GPR39: variants seen among roughly 807,000 people sequenced by gnomAD.
GPR39 encodes G protein-coupled receptor 39.
In GPR39, 23 loss-of-function variants were observed where a neutral mutation model predicts 18.4. The ratio of observed to expected loss-of-function variants is 1.25; its 90% CI spans 0.90 to 1.77. GPR39 has a LOEUF of 1.77. GPR39 is among the 40% of genes most tolerant of loss of function. GPR39 has a pLI of 0.00. For synonymous variants in GPR39, 280 were observed against 257.9 expected (o/e 1.09, Z -0.82); for missense variants, 647 against 602.4 (o/e 1.07, Z -0.78).
At chr2:132,638,606 C>T (rs17324515) in intron 1 of GPR39, among the ~76,000 whole-genome samples, 49,207 of 152,122 alleles carry the variant, frequency 0.32, 9,116 homozygotes, top group Admixed American at 0.42. Flanking sequence ...ATTTGGACGC[C>T]TCGGGTCAGA....
intron 1 of GPR39, among the ~76,000 whole-genome samples, chr2:132,437,185 C>T (rs1454830827): frequency 1.3e-5 from 2 of 152,180 alleles, no homozygotes; most frequent in Non-Finnish European, 2.9e-5. Context: ...TGCACACACC[C>T]GCACAGGCAG....
intron 1 of GPR39, among the ~76,000 whole-genome samples, chr2:132,627,825 ACCT>A (rs1381116421): frequency 6.6e-6 from 1 of 152,264 alleles, no homozygotes; most frequent in South Asian, 2.1e-4. Context: ...CAGCTGGACA[ACCT>A]CAGGTGAATT....
intron 1 of GPR39, among the ~76,000 whole-genome samples, chr2:132,561,525 T>A (rs1353275563): frequency 9.9e-5 from 15 of 151,606 alleles, no homozygotes; most frequent in Admixed American, 9.9e-4. Flanking sequence ...TTAGAATCAG[T>A]TGGATAATGT....
chr2:132,427,106 TATATATAATATACATATATAGGTAC>T (rs1680133282), intron 1 of GPR39, among the ~76,000 whole-genome samples: 1 of 129,044 alleles, frequency 7.7e-6, no homozygotes, highest in Non-Finnish European at 1.6e-5. Flanking sequence ...TAGGTACATA[TATATATAATATACATATATAGGTAC>T]ATATATATAT....
In GPR39 at chr2:132,515,268, C is replaced by T. The variant is rs138784136; in HGVS notation, c.856+97370C>T. ...CCTGTGGACAGTGGGTGAGAAAATG[C>T]AAGCTGCTGACCAGCTGACACTGAG... On this transcript the variant is annotated intron_variant, in intron 1 of 1. Coordinates refer to ENST00000329321, the MANE Select transcript of GPR39 (RefSeq NM_001508.3). Among the ~76,000 whole-genome samples the T allele has an allele frequency of 2.3e-3, 352 of 152,330 alleles. 3 individuals carry two copies. The highest frequency in any genetic ancestry group is 0.014 in the Middle Eastern group (4 of 294).
intron 1 of GPR39, among the ~76,000 whole-genome samples, chr2:132,498,482 C>T (rs1396724877): frequency 1.3e-5 from 2 of 152,124 alleles, no homozygotes; most frequent in Non-Finnish European, 2.9e-5. Flanking sequence ...CATTGATGGG[C>T]ATTTGGGCTG....
chr2:132,625,722 C>T (rs1257804055), intron 1 of GPR39, among the ~76,000 whole-genome samples: 6 of 152,162 alleles, frequency 3.9e-5, no homozygotes, highest in African/African-American at 4.8e-5. Flanking sequence ...TGATTCAGCA[C>T]TCTGTTTTCT....
chr2:132,581,169 T>C (rs908208376), intron 1 of GPR39, among the ~76,000 whole-genome samples: 7 of 152,098 alleles, frequency 4.6e-5, no homozygotes, highest in African/African-American at 1.7e-4. Flanking sequence ...AGTTGTCCAG[T>C]GACTTTCTTT....
rs1162991418 is a variant in GPR39, at chr2:132,493,536, C to CCAT, written c.856+75638_856+75639insCAT. On this transcript the variant is annotated intron_variant, in intron 1 of 1. Transcript: ENST00000329321. Reference sequence around the variant, plus strand: ...TATATATATATATATATACACACACCATATATATATATATGGTAGCAGCAA... The same window carrying CCAT: ...TATATATATATATATATACACACACCCATATATATATATATATGGTAGCAGCAA... Among the ~76,000 whole-genome samples, 439 of 125,720 alleles carry CCAT rather than the reference C, an allele frequency of 3.5e-3. 3 individuals carry two copies. The highest frequency in any genetic ancestry group is 0.012 in the African/African-American group (384 of 31,936). 82.5% of individuals were successfully genotyped at this position (125,720 alleles called of 152,430 possible).
At position 132,620,985 on chromosome 2, in the gene GPR39, C is replaced by A. The variant is rs185748398; in HGVS notation, c.857-24116C>A. Among the ~76,000 whole-genome samples the A allele has an allele frequency of 3.1e-4, 47 of 152,260 alleles. 2 individuals are homozygous for A. In the East Asian group the frequency reaches 6.4e-3, roughly 21 times the overall value. ...GCCAGGATGGTCTCGATCACCTGAC[C>A]TCATAATCCACCCACCTCGGCCTCC... On this transcript the variant is annotated intron_variant, in intron 1 of 1. Coordinates refer to ENST00000329321, the MANE Select transcript of GPR39 (RefSeq NM_001508.3).
chr2:132,482,810 T>C (rs1681259788), intron 1 of GPR39, among the ~76,000 whole-genome samples: 1 of 152,256 alleles, frequency 6.6e-6, no homozygotes, highest in African/African-American at 2.4e-5. Context: ...TAACAATGTC[T>C]GTTTCTCCAC....
chr2:132,520,567 C>G (rs1425330638), intron 1 of GPR39, among the ~76,000 whole-genome samples: 1 of 152,246 alleles, frequency 6.6e-6, no homozygotes. Flanking sequence ...GATGATGAGA[C>G]TAAGTCTTCA....
intron 1 of GPR39, among the ~76,000 whole-genome samples, chr2:132,573,756 C>G (rs1024630595): frequency 6.6e-6 from 1 of 152,018 alleles, no homozygotes; most frequent in African/African-American, 2.4e-5. Flanking sequence ...TAATTGAATG[C>G]GAATGTCAGC....
rs778803979 is a variant in GPR39, at chr2:132,417,856, G to T, written c.814G>T (p.Glu272Ter). 14 of 1,609,700 alleles carry T rather than the reference G, an allele frequency of 8.7e-6. No homozygotes were observed. In the South Asian group the frequency reaches 1.4e-4, roughly 16 times the overall value. ...RPPQLRKSES[E>*]ESRTARRQTI... ...TCCGCAGCTGAGGAAGTCCGAGAGC[G>T]AAGAGAGCAGGACCGCCAGGAGGCA... The change falls in exon 1 of 2, where the codon GAA (glutamate) becomes TAA (stop). Residue 272 changes from glutamate to a stop codon, truncating the protein, a stop_gained. Transcript: ENST00000329321. LOFTEE classifies it low-confidence loss of function (END_TRUNC).
Position 132,416,931 on chromosome 2 carries a change from TA to T in GPR39, c.-108del. ...CTTCGCGAGGAGAACTCGAGTGAGATAAAATCGTGCGCCCACGCAGGTGAGT... is the reference window on the plus strand; with the variant it reads ...CTTCGCGAGGAGAACTCGAGTGAGATAAATCGTGCGCCCACGCAGGTGAGT... On this transcript the variant is annotated 5_prime_UTR_variant, in exon 1 of 2. An upstream open reading frame in the 5' UTR gains an earlier in-frame stop. Coordinates refer to ENST00000329321, the MANE Select transcript of GPR39 (RefSeq NM_001508.3). 7.5e-7 allele frequency: 1 copy of T among 1,338,394 alleles called. No individual in the cohort carries two copies. The allele number at this position is 1,338,394 out of a possible 1,614,324, so 82.9% of individuals were successfully genotyped here. A position where few individuals can be genotyped will look rare whatever the true frequency, so the allele number is the denominator to read the frequency against.
At chr2:132,490,611 C>G (rs1173094454) in intron 1 of GPR39, among the ~76,000 whole-genome samples, 3 of 151,866 alleles carry the variant, frequency 2.0e-5, no homozygotes, top group Non-Finnish European at 2.9e-5. Flanking sequence ...CTACAAAGAA[C>G]AAGCATTAAG....
At chr2:132,521,969 A>G (rs1402475539) in intron 1 of GPR39, among the ~76,000 whole-genome samples, 1 of 152,308 alleles carries the variant, frequency 6.6e-6, no homozygotes, top group Non-Finnish European at 1.5e-5. Flanking sequence ...TCATTTTATA[A>G]TTTGAGTTGG....
chr2:132,561,577 TACACAC>T (rs55653432), intron 1 of GPR39, among the ~76,000 whole-genome samples: 3,189 of 147,898 alleles, frequency 0.022, 40 homozygotes, highest in African/African-American at 0.029. Flanking sequence ...AATATGAGTG[TACACAC>T]ACACACACAC....
At chr2:132,446,059 G>A (rs1019788905) in intron 1 of GPR39, among the ~76,000 whole-genome samples, 22 of 152,288 alleles carry the variant, frequency 1.4e-4, no homozygotes, top group Non-Finnish European at 2.9e-4. Context: ...AAGCATGTGG[G>A]CAAGTCTTGA....
Sources: gnomAD v4.1 joint callset for allele counts (sites outside exome capture counted in the v4.1 genomes callset) on GRCh38, gnomAD v4.1.1 for gene constraint, MANE v1.5 for transcripts, NCBI Gene and HGNC (gene_info 2026-07-23, HGNC 2026-07-21) for gene names.